FABP12: variants seen among roughly 807,000 people sequenced by gnomAD.
FABP12 encodes the protein fatty acid-binding protein 12.
Under a neutral mutation model 13.7 loss-of-function variants are expected in FABP12, and 19 were observed. The ratio of observed to expected loss-of-function variants is 1.39; its 90% confidence interval spans 0.97 to 2.04. FABP12 has a LOEUF of 2.04. Ranked by LOEUF, FABP12 falls within the 30% of genes most tolerant of loss-of-function variation. The probability of loss-of-function intolerance (pLI) is 0.00; values close to 1 mark genes in which losing one functional copy is unlikely to be tolerated. For missense variants in FABP12, 182 were observed against 164.2 expected, an observed-to-expected ratio of 1.11 and a Z score of -0.59; for synonymous variants, 61 against 57.0, an observed-to-expected ratio of 1.07 and a Z score of -0.32.
At chr8:81,541,941 A>G (rs71519032) in intron 1 of FABP12, among the ~76,000 whole-genome samples, 8 of 136,246 alleles carry the variant, frequency 5.9e-5, no homozygotes, top group Admixed American at 5.7e-4. Context: ...AAAAAAAAAA[A>G]GACAAAGAAA....
intron 1 of FABP12, among the ~76,000 whole-genome samples, chr8:81,546,930 T>C (rs894545662): frequency 6.6e-6 from 1 of 152,202 alleles, no homozygotes; most frequent in Non-Finnish European, 1.5e-5. Flanking sequence ...CCTTGGCATA[T>C]AGCATTTTTC....
intron 1 of FABP12, among the ~76,000 whole-genome samples, chr8:81,583,807 T>C (rs989523602): frequency 1.3e-5 from 2 of 152,114 alleles, no homozygotes; most frequent in Non-Finnish European, 2.9e-5. Flanking sequence ...TCTTCCAAAA[T>C]TGAAGAGGAG....
chr8:81,581,116 G>T (rs1353602517), intron 1 of FABP12, among the ~76,000 whole-genome samples: 1 of 152,188 alleles, frequency 6.6e-6, no homozygotes, highest in Non-Finnish European at 1.5e-5. Flanking sequence ...ATTGAGAAGA[G>T]TCTGTTGCTG....
At chr8:81,570,316 C>T (rs1809905537) in intron 1 of FABP12, among the ~76,000 whole-genome samples, 1 of 152,210 alleles carries the variant, frequency 6.6e-6, no homozygotes, top group Non-Finnish European at 1.5e-5. Flanking sequence ...GTTTCAGCCC[C>T]GTTTGTCTTA....
chr8:81,559,197 G>T (rs1182783099), intron 1 of FABP12, among the ~76,000 whole-genome samples: 1 of 152,172 alleles, frequency 6.6e-6, no homozygotes, highest in Non-Finnish European at 1.5e-5. Context: ...TCCCTGAGAG[G>T]AGTTCCAGTG....
intron 1 of FABP12, among the ~76,000 whole-genome samples, chr8:81,557,389 G>A (rs547709451): frequency 6.6e-6 from 1 of 152,188 alleles, no homozygotes; most frequent in South Asian, 2.1e-4. Flanking sequence ...ATTTTTTCCA[G>A]GTAGAAGTTA....
chr8:81,532,315 T>G (rs1043068856), intron 1 of FABP12, among the ~76,000 whole-genome samples: 1 of 152,246 alleles, frequency 6.6e-6, no homozygotes, highest in African/African-American at 2.4e-5. Flanking sequence ...TAAGAAATAC[T>G]GAAGTTATAA....
chr8:81,528,270 G>T (rs1027190650), intron 3 of FABP12, among the ~76,000 whole-genome samples: 1 of 151,990 alleles, frequency 6.6e-6, no homozygotes, highest in African/African-American at 2.4e-5. Flanking sequence ...GTAGAGGCGG[G>T]ATCCTGCTAT....
intron 1 of FABP12, among the ~76,000 whole-genome samples, chr8:81,570,979 C>G (rs1809921067): frequency 6.6e-6 from 1 of 152,078 alleles, no homozygotes; most frequent in African/African-American, 2.4e-5. Context: ...ATGCCTCCTG[C>G]CACCGTCCAT....
At chr8:81,532,150 T>G (rs1284636758) in intron 1 of FABP12, among the ~76,000 whole-genome samples, 1 of 152,096 alleles carries the variant, frequency 6.6e-6, no homozygotes, top group Non-Finnish European at 1.5e-5. Context: ...AGAACAGGGG[T>G]CAAGGAATAT....
Position 81,589,393 on chromosome 8 carries a change from C to T in FABP12, c.-185+660G>A, listed in dbSNP as rs147101034. Reference sequence around the variant, plus strand: ...GCAACATAGTGAGACCTAGTATCTACAAAAAATAAAACAAATTACCCTTCT... The same window carrying T: ...GCAACATAGTGAGACCTAGTATCTATAAAAAATAAAACAAATTACCCTTCT... On this transcript the variant is annotated intron_variant, in intron 1 of 5. Transcript: ENST00000692030. 1.3e-4 allele frequency among the ~76,000 whole-genome samples: 20 copies of T among 152,114 alleles called. No individual in the cohort carries two copies. In the East Asian group the frequency reaches 3.5e-3, roughly 26 times the overall value.
chr8:81,537,155 C>T (rs374169993), upstream of FABP12, among the ~76,000 whole-genome samples: 72 of 152,150 alleles, frequency 4.7e-4, no homozygotes, highest in East Asian at 5.0e-3. Context: ...AGCCAAACTC[C>T]GGCATTTATA....
intron 1 of FABP12, among the ~76,000 whole-genome samples, chr8:81,542,505 C>T (rs886844059): frequency 6.6e-6 from 1 of 152,132 alleles, no homozygotes; most frequent in African/African-American, 2.4e-5. Flanking sequence ...AAAGCTAGAA[C>T]CAACCTGGTG....
intron 1 of FABP12, among the ~76,000 whole-genome samples, chr8:81,542,128 T>A (rs1809360314): frequency 6.6e-6 from 1 of 152,030 alleles, no homozygotes; most frequent in South Asian, 2.1e-4. Context: ...GATGGAGTAT[T>A]GTTATAAAAT....
At chr8:81,562,722 T>C (rs1157202645) in intron 1 of FABP12, among the ~76,000 whole-genome samples, 1 of 152,070 alleles carries the variant, frequency 6.6e-6, no homozygotes, top group Non-Finnish European at 1.5e-5. Flanking sequence ...AAGAACTTCA[T>C]CTTGTGGCTT....
chr8:81,554,782 C>T (rs1023395722), intron 1 of FABP12, among the ~76,000 whole-genome samples: 3 of 152,030 alleles, frequency 2.0e-5, no homozygotes, highest in African/African-American at 7.2e-5. Context: ...AATACACCAA[C>T]ACTAACGATA....
At chr8:81,572,186 T>C (rs997588343) in intron 1 of FABP12, among the ~76,000 whole-genome samples, 1 of 151,820 alleles carries the variant, frequency 6.6e-6, no homozygotes, top group Non-Finnish European at 1.5e-5. Context: ...AGCTCCCACA[T>C]ATCAATGAGA....
At chr8:81,541,535 T>A (rs1244299038) in intron 1 of FABP12, among the ~76,000 whole-genome samples, 1 of 152,168 alleles carries the variant, frequency 6.6e-6, no homozygotes, top group Non-Finnish European at 1.5e-5. Flanking sequence ...CTGGCCTCAG[T>A]CCTTGCATGG....
intron 2 of FABP12, among the ~76,000 whole-genome samples, chr8:81,529,989 A>G (rs1358827823): frequency 6.6e-6 from 1 of 152,204 alleles, no homozygotes; most frequent in African/African-American, 2.4e-5. Context: ...CTCACATACA[A>G]ACAAAATACT....
Sources: allele counts gnomAD v4.1 joint callset (sites outside exome capture counted in the v4.1 genomes callset), GRCh38; gene constraint gnomAD v4.1.1; transcripts MANE v1.5; gene names NCBI Gene and HGNC (gene_info 2026-07-23, HGNC 2026-07-21).